Variants in SLC38A1 observed in about 807,000 individuals in gnomAD.
SLC38A1 encodes sodium-coupled neutral amino acid symporter 1.
Under a neutral mutation model 60.3 loss-of-function variants are expected in SLC38A1, and 18 were observed. The observed-to-expected ratio is 0.30, with a 90% CI of 0.21 to 0.44. The LOEUF is 0.44. Among genes scored for constraint, SLC38A1 ranks in the 20% least tolerant of loss-of-function variants. The pLI is 1.00. For missense variants in SLC38A1, 448 were observed against 587.2 expected (o/e 0.76, Z 2.45); for synonymous variants, 196 against 212.1 (o/e 0.92, Z 0.66).
intron 1 of SLC38A1, among the ~76,000 whole-genome samples, chr12:46,251,654 A>T (rs1941844124): frequency 6.6e-6 from 1 of 152,118 alleles, no homozygotes; most frequent in Non-Finnish European, 1.5e-5. Flanking sequence ...AAAACAAACA[A>T]CCCCAGCAAA....
At chr12:46,198,566 A>T (rs963309064) in intron 14 of SLC38A1, 59 bp downstream of exon 14, 5 of 1,178,706 alleles carry the variant, frequency 4.2e-6, no homozygotes, top group Non-Finnish European at 6.0e-6. Context: ...GGGCTCCTGC[A>T]GGCAGAAGGA....
At chr12:46,209,016 C>T (rs758253713) in intron 6 of SLC38A1, 38 bp downstream of exon 6, 2 of 1,402,874 alleles carry the variant, frequency 1.4e-6, no homozygotes, top group East Asian at 4.6e-5. Flanking sequence ...AAATAATTCA[C>T]CCTGGTTTTA....
chr12:46,193,789 G>A (rs920353893), intron 16 of SLC38A1, among the ~76,000 whole-genome samples: 11 of 151,970 alleles, frequency 7.2e-5, no homozygotes, highest in African/African-American at 2.7e-4. Flanking sequence ...TTGCTTGGTA[G>A]ATCTTCCTCC....
intron 1 of SLC38A1, among the ~76,000 whole-genome samples, chr12:46,259,144 G>T (rs1280712735): frequency 6.6e-6 from 1 of 152,116 alleles, no homozygotes; most frequent in Non-Finnish European, 1.5e-5. Flanking sequence ...AAAACATCAC[G>T]TTGCACACCT....
chr12:46,204,549 C>A lies in SLC38A1; in HGVS notation c.688G>T (p.Val230Phe), dbSNP rs770108680. Residue 230 changes from valine to phenylalanine, a missense_variant, in exon 10 of 17, where the codon GTT (valine) becomes TTT (phenylalanine). Val to Phe is a conservative substitution (Grantham distance 50). This residue lies in a region of SLC38A1 where 346 missense variants were observed against 497.5 expected (regional missense o/e 0.70). Transcript: ENST00000398637. ...GCACTTACCACAATTAGGAAAAAAA[C>A]CATACAGCTCAAGGAAAATCCACTA... The part of the protein sequence containing the change: ...YTSGFSLSCM[V>F]FFLIVVIYKK... 3.4e-5 allele frequency: 55 copies of A among 1,612,296 alleles called. No individual in the cohort carries two copies. Among genetic ancestry groups the A allele is most frequent in the African/African-American group, 6.7e-5 (5 of 74,784 alleles).
At chr12:46,253,028 C>A (rs1941908530) in intron 1 of SLC38A1, among the ~76,000 whole-genome samples, 1 of 140,112 alleles carries the variant, frequency 7.1e-6, no homozygotes, top group Admixed American at 7.3e-5. Context: ...GATACACAGA[C>A]ATAGAGAATA....
intron 5 of SLC38A1, among the ~76,000 whole-genome samples, chr12:46,216,290 T>G (rs1940407850): frequency 6.6e-6 from 1 of 152,132 alleles, no homozygotes; most frequent in Non-Finnish European, 1.5e-5. Flanking sequence ...CTGAAAATGA[T>G]GGAGGGGCTG....
chr12:46,219,347 A>G (rs966836228), intron 5 of SLC38A1, among the ~76,000 whole-genome samples: 6 of 152,222 alleles, frequency 3.9e-5, no homozygotes, highest in African/African-American at 1.4e-4. Flanking sequence ...AATGGGGGTA[A>G]TTAACAGGGT....
intron 13 of SLC38A1, 135 bp downstream of exon 13, chr12:46,200,963 C>T (rs1204234754): frequency 9.5e-5 from 62 of 653,726 alleles, no homozygotes; most frequent in Admixed American, 3.3e-4. Context: ...TGCTTTAAGT[C>T]GAAGAAAAAA....
intron 1 of SLC38A1, among the ~76,000 whole-genome samples, chr12:46,246,522 A>T (rs1941625064): frequency 6.6e-6 from 1 of 152,262 alleles, no homozygotes; most frequent in African/African-American, 2.4e-5. Flanking sequence ...AACTGGGTGG[A>T]GCCCACCACA....
intron 5 of SLC38A1, among the ~76,000 whole-genome samples, chr12:46,210,101 C>A (rs561918361): frequency 2.0e-5 from 3 of 152,178 alleles, no homozygotes; most frequent in Admixed American, 6.5e-5. Context: ...TCATGCCGTT[C>A]GCTCTGCGTG....
chr12:46,194,841 T>A (rs1939293992), intron 16 of SLC38A1, among the ~76,000 whole-genome samples: 1 of 152,156 alleles, frequency 6.6e-6, no homozygotes, highest in African/African-American at 2.4e-5. Context: ...ACCTTTTTTT[T>A]TTCCACAGTT....
intron 6 of SLC38A1, among the ~76,000 whole-genome samples, chr12:46,208,168 CA>C (rs1160588392): frequency 1.3e-5 from 2 of 152,124 alleles, no homozygotes; most frequent in Non-Finnish European, 2.9e-5. Context: ...AAATGTAGTT[CA>C]AATACATGCA....
chr12:46,252,329 G>C (rs1941875754), intron 1 of SLC38A1, among the ~76,000 whole-genome samples: 1 of 152,082 alleles, frequency 6.6e-6, no homozygotes, highest in Non-Finnish European at 1.5e-5. Context: ...ACACACCGGG[G>C]CCTGTCACAG....
At chr12:46,207,112 A>G in intron 8 of SLC38A1, 43 bp downstream of exon 8, 1 of 1,347,950 alleles carries the variant, frequency 7.4e-7, no homozygotes, top group South Asian at 1.3e-5. Context: ...ATTTAAATTA[A>G]AAACATTTTA....
chr12:46,234,235 A>G (rs544487423), intron 3 of SLC38A1, among the ~76,000 whole-genome samples: 1 of 152,278 alleles, frequency 6.6e-6, no homozygotes, highest in Admixed American at 6.5e-5. Flanking sequence ...TCTAATATGT[A>G]CCTAACCACA....
At chr12:46,202,937 T>C in intron 12 of SLC38A1, 73 bp downstream of exon 12, 1 of 1,166,426 alleles carries the variant, frequency 8.6e-7, no homozygotes, top group South Asian at 1.3e-5. Context: ...AGTCCGTTTA[T>C]TTTAATTGCA....
chr12:46,196,654 G>T (rs1306450991), intron 16 of SLC38A1, among the ~76,000 whole-genome samples: 1 of 152,168 alleles, frequency 6.6e-6, no homozygotes, highest in East Asian at 1.9e-4. Context: ...AATGCACAGA[G>T]ATGACCCTCC....
chr12:46,252,429 A>G (rs1381244875), intron 1 of SLC38A1, among the ~76,000 whole-genome samples: 3 of 152,186 alleles, frequency 2.0e-5, no homozygotes, highest in African/African-American at 2.4e-5. Flanking sequence ...TGGCACATGT[A>G]TATATATGTA....
Sources: allele counts gnomAD v4.1 joint callset (sites outside exome capture counted in the v4.1 genomes callset), GRCh38; gene constraint gnomAD v4.1.1; regional missense constraint gnomAD v4.1.1; transcripts MANE v1.5; gene names NCBI Gene and HGNC (gene_info 2026-07-23, HGNC 2026-07-21).